The following MMP26 variants were observed in gnomAD, a reference collection of about 807,000 sequenced individuals.
The protein encoded by MMP26 is matrix metallopeptidase 26, also known as matrix metalloproteinase-26.
A neutral mutation model predicts 31.0 loss-of-function variants in MMP26; 33 were observed. That is an observed-to-expected ratio of 1.06 (90% CI 0.81 to 1.42). The LOEUF is 1.42. Among genes scored for constraint, MMP26 ranks in the 40% most tolerant of loss-of-function variants. MMP26 has a pLI of 0.00. For synonymous variants in MMP26, 122 were observed against 114.9 expected (o/e 1.06, Z -0.40); for missense variants, 347 against 316.1 (o/e 1.10, Z -0.74).
intron 6 of MMP26, 92 bp downstream of exon 6, chr11:4,991,588 G>A: frequency 6.7e-7 from 1 of 1,492,630 alleles, no homozygotes; most frequent in Non-Finnish European, 9.0e-7. Context: ...GAGTGGTCAG[G>A]GTGAGGTGGA....
chr11:4,801,785 C>T (rs2133452326), intron 2 of MMP26, among the ~76,000 whole-genome samples: 1 of 152,152 alleles, frequency 6.6e-6, no homozygotes, highest in East Asian at 1.9e-4. Flanking sequence ...CGTGATCCGC[C>T]TGCCTCGGCT....
At chr11:4,854,272 C>T (rs1268509127) in intron 2 of MMP26, among the ~76,000 whole-genome samples, 1 of 152,216 alleles carries the variant, frequency 6.6e-6, no homozygotes, top group Non-Finnish European at 1.5e-5. Context: ...GGCATCGCCT[C>T]ACCTGGGAAG....
intron 2 of MMP26, among the ~76,000 whole-genome samples, chr11:4,885,579 T>C (rs1464290456): frequency 1.3e-5 from 2 of 152,132 alleles, no homozygotes; most frequent in African/African-American, 4.8e-5. Flanking sequence ...GGCTATACCC[T>C]CTAGGTTTGT....
At chr11:4,932,398 A>G (rs1851362862) in intron 2 of MMP26, among the ~76,000 whole-genome samples, 1 of 152,164 alleles carries the variant, frequency 6.6e-6, no homozygotes, top group African/African-American at 2.4e-5. Context: ...TAACAAGACT[A>G]GAAGGTTCTA....
chr11:4,805,178 A>G (rs946514723), intron 2 of MMP26, among the ~76,000 whole-genome samples: 7 of 152,174 alleles, frequency 4.6e-5, no homozygotes, highest in African/African-American at 7.2e-5. Flanking sequence ...TAGAGTTTGC[A>G]AGCCTATAGC....
At chr11:4,863,393 A>G (rs1850191238) in intron 2 of MMP26, among the ~76,000 whole-genome samples, 1 of 151,786 alleles carries the variant, frequency 6.6e-6, no homozygotes, top group Non-Finnish European at 1.5e-5. Flanking sequence ...CCCATAGTAT[A>G]TGTCTTCTTC....
intron 2 of MMP26, among the ~76,000 whole-genome samples, chr11:4,906,523 A>C (rs1433462476): frequency 6.6e-6 from 1 of 152,176 alleles, no homozygotes; most frequent in East Asian, 1.9e-4. Context: ...ATAAGTACCT[A>C]CCTCATAAGT....
chr11:4,715,605 A>T (rs1230186413), intron 1 of MMP26, among the ~76,000 whole-genome samples: 6 of 152,176 alleles, frequency 3.9e-5, no homozygotes, highest in Non-Finnish European at 8.8e-5. Flanking sequence ...GAGTATATAA[A>T]AAGATTTCTG....
At chr11:4,816,178 C>A (rs2133466473) in intron 2 of MMP26, among the ~76,000 whole-genome samples, 1 of 152,014 alleles carries the variant, frequency 6.6e-6, no homozygotes, top group South Asian at 2.1e-4. Flanking sequence ...TTGTATTTTC[C>A]ACGGTTTCTT....
At chr11:4,712,752 A>G (rs1847878270) in intron 1 of MMP26, among the ~76,000 whole-genome samples, 1 of 151,852 alleles carries the variant, frequency 6.6e-6, no homozygotes, top group Non-Finnish European at 1.5e-5. Context: ...TTTGAAGTAT[A>G]TTTATTTTCT....
At position 4,989,854 on chromosome 11, in the gene MMP26, C is replaced by T. The variant is rs369075049; in HGVS notation, c.306C>T (p.His102=). ...ISPGRCKWNK[H]TLTYRIINYP... ...CAGGAAGATGCAAGTGGAATAAGCA[C>T]ACTCTAACTTACAGGTGCTTGTTAC... The change falls in exon 4 of 8, where the codon CAC becomes CAT. Residue 102 remains histidine (H), a synonymous_variant. Transcript: ENST00000380390. The T allele has an allele frequency of 4.0e-5, 64 of 1,608,670 alleles. No individual in the cohort carries two copies. Among genetic ancestry groups the T allele is most frequent in the East Asian group, 2.5e-4 (11 of 44,882 alleles).
Position 4,951,064 on chromosome 11 carries a change from A to C in MMP26, c.-144-37004A>C, listed in dbSNP as rs1250353054. ...CTGTTTCAAGCAAACACATTCTAAGAATGTCTATAGGAACTTTATCATATT... is the reference window on the plus strand; with the variant it reads ...CTGTTTCAAGCAAACACATTCTAAGCATGTCTATAGGAACTTTATCATATT... On this transcript the variant is annotated intron_variant, in intron 2 of 7. Coordinates refer to ENST00000380390, the MANE Select transcript of MMP26 (RefSeq NM_021801.5). Among the ~76,000 whole-genome samples, 5 of 124,528 alleles carry C rather than the reference A, an allele frequency of 4.0e-5. 2 individuals are homozygous for C. The highest frequency in any genetic ancestry group is 9.1e-5 in the Non-Finnish European group (5 of 54,828). The allele number at this position is 124,528 out of a possible 152,430, so 81.7% of individuals were successfully genotyped here.
Position 4,762,238 on chromosome 11 carries a change from T to C in MMP26, c.-216-5032T>C, listed in dbSNP as rs566373418. On this transcript the variant is annotated intron_variant, in intron 1 of 7. Coordinates refer to ENST00000380390, the MANE Select transcript of MMP26 (RefSeq NM_021801.5). ...CATTTCATAGTATAGAAAAGAGAATTATATGAACAAACACAATAGAAGTCA... is the reference window on the plus strand; with the variant it reads ...CATTTCATAGTATAGAAAAGAGAATCATATGAACAAACACAATAGAAGTCA... Among the ~76,000 whole-genome samples the C allele has an allele frequency of 7.2e-5, 11 of 152,312 alleles. 1 individual carries two copies. In the South Asian group the frequency reaches 2.3e-3, roughly 32 times the overall value.
intron 2 of MMP26, among the ~76,000 whole-genome samples, chr11:4,864,707 A>T (rs540674785): frequency 6.6e-6 from 1 of 152,206 alleles, no homozygotes; most frequent in South Asian, 2.1e-4. Flanking sequence ...AACACACAAA[A>T]TGCTTGATGC....
chr11:4,959,346 C>T (rs1367228832), intron 2 of MMP26, among the ~76,000 whole-genome samples: 1 of 151,722 alleles, frequency 6.6e-6, no homozygotes, highest in African/African-American at 2.4e-5. Context: ...CCATTATATC[C>T]ACAGTTGTTA....
chr11:4,735,692 A>C (rs1390033711), intron 1 of MMP26, among the ~76,000 whole-genome samples: 1 of 152,174 alleles, frequency 6.6e-6, no homozygotes, highest in African/African-American at 2.4e-5. Flanking sequence ...GCATCTCGCA[A>C]TAGTAGACCC....
intron 2 of MMP26, among the ~76,000 whole-genome samples, chr11:4,824,134 CAA>C (rs1295840731): frequency 2.0e-5 from 3 of 151,820 alleles, no homozygotes; most frequent in Admixed American, 6.6e-5. Context: ...TGGGGGAGAC[CAA>C]GACTCATATT....
At chr11:4,856,627 G>C (rs541733691) in intron 2 of MMP26, among the ~76,000 whole-genome samples, 1 of 151,890 alleles carries the variant, frequency 6.6e-6, no homozygotes, top group Admixed American at 6.6e-5. Context: ...ATAATGGGAG[G>C]GTTTAACACC....
intron 2 of MMP26, among the ~76,000 whole-genome samples, chr11:4,791,376 C>G (rs1849024360): frequency 6.6e-6 from 1 of 152,148 alleles, no homozygotes; most frequent in African/African-American, 2.4e-5. Flanking sequence ...GTAGAGGACT[C>G]TATAACCCAT....
Sources: gnomAD v4.1 joint callset for allele counts (sites outside exome capture counted in the v4.1 genomes callset) on GRCh38, gnomAD v4.1.1 for gene constraint, MANE v1.5 for transcripts, NCBI Gene and HGNC (gene_info 2026-07-23, HGNC 2026-07-21) for gene names.